The following PLVAP variants were observed in gnomAD, a reference collection of about 807,000 sequenced individuals.
PLVAP encodes plasmalemma vesicle associated protein.
A neutral mutation model predicts 43.1 loss-of-function variants in PLVAP; 34 were observed. That is an observed-to-expected ratio of 0.79 (90% confidence interval 0.60 to 1.05). The LOEUF is 1.05. Ranked by LOEUF, PLVAP falls within the 50% of genes least tolerant of loss-of-function variation. PLVAP has a pLI of 0.00. For synonymous variants in PLVAP, 241 were observed against 237.3 expected (o/e 1.02, Z -0.14); for missense variants, 574 against 593.4 (o/e 0.97, Z 0.34).
At chr19:17,356,669 A>G (rs1447396572) in intron 5 of PLVAP, among the ~76,000 whole-genome samples, 3 of 150,114 alleles carry the variant, frequency 2.0e-5, no homozygotes, top group Non-Finnish European at 4.4e-5. Context: ...CTTAGAAGGA[A>G]TAAGAGTGGG....
intron 3 of PLVAP, 23 bp from the exon 4 acceptor site, chr19:17,360,855 G>A: frequency 6.2e-7 from 1 of 1,605,824 alleles, no homozygotes; most frequent in Non-Finnish European, 8.5e-7. Context: ...GATGGAGGGA[G>A]GTTGGTAGGA....
rs748898425 is a variant in PLVAP at position 17,366,093 on chromosome 19, A to G, written c.466+6T>C. On this transcript the variant is annotated splice_donor_region_variant and intron_variant, in intron 2 of 5. Coordinates refer to ENST00000252590, the MANE Select transcript of PLVAP (RefSeq NM_031310.3). ...CACCCCGGCTCCCTGCAGCCTTAGC[A>G]CTCACCATCGCAGCTCTTGTTCATG... is the stretch of plus-strand genomic sequence containing the variant. 4 of 1,613,820 alleles carry G rather than the reference A, an allele frequency of 2.5e-6. No homozygotes were observed. The highest frequency in any genetic ancestry group is 1.3e-5 in the African/African-American group (1 of 74,850).
chr19:17,374,850 C>G (rs2074588708), intron 1 of PLVAP, among the ~76,000 whole-genome samples: 2 of 151,356 alleles, frequency 1.3e-5, no homozygotes, highest in Admixed American at 1.3e-4. Context: ...ACAGAGTCTC[C>G]CTCTGTTGCC....
chr19:17,366,312 G>A, intron 1 of PLVAP, 117 bp from the exon 2 acceptor site: 3 of 888,338 alleles, frequency 3.4e-6, no homozygotes, highest in Non-Finnish European at 5.4e-6. Flanking sequence ...CAAGGGCATG[G>A]TCCCTTTATG....
At chr19:17,365,015 C>T (rs574734536) in intron 3 of PLVAP, among the ~76,000 whole-genome samples, 11 of 152,178 alleles carry the variant, frequency 7.2e-5, no homozygotes, top group South Asian at 2.1e-4. Context: ...TCAGGCGATC[C>T]ACCCACCTTG....
rs757147011 is a variant in PLVAP at position 17,366,201 on chromosome 19, C to T, written c.370-6G>A. ...TGATTGTTCGTGTAGATGACCTGCC[C>T]GGAAGATAGGGGAAGGACGCAGGAC... On this transcript the variant is annotated splice_region_variant and splice_polypyrimidine_tract_variant and intron_variant, in intron 1 of 5. Transcript: ENST00000252590. The T allele has an allele frequency of 2.5e-6, 4 of 1,613,488 alleles. No homozygotes were observed. Among genetic ancestry groups the T allele is most frequent in the Non-Finnish European group, 3.4e-6 (4 of 1,179,762 alleles).
In PLVAP at chr19:17,365,340, G is replaced by T. The variant is rs1166955454; in HGVS notation, c.1125C>A (p.Leu375=). The change falls in exon 3 of 6, where the codon CTC becomes CTA. Residue 375 remains leucine, a synonymous_variant. Coordinates refer to ENST00000252590, the MANE Select transcript of PLVAP (RefSeq NM_031310.3). Reference sequence around the variant, plus strand: ...AGTTTCTGATGGCCAGCTCCATCCTGAGCTGCTCCGCCTCCCTCTTCTTCT... The same window carrying T: ...AGTTTCTGATGGCCAGCTCCATCCTTAGCTGCTCCGCCTCCCTCTTCTTCT... ...LEEKKREAEQ[L]RMELAIRNSA... The T allele has an allele frequency of 6.2e-7, 1 of 1,613,346 alleles. No homozygotes were observed. Among genetic ancestry groups the T allele is most frequent in the Non-Finnish European group, 8.5e-7 (1 of 1,180,016 alleles).
At position 17,366,939 on chromosome 19, in the gene PLVAP, ATTT is replaced by A. The variant is rs34408678; in HGVS notation, c.370-747_370-745del. Among the ~76,000 whole-genome samples the A allele has an allele frequency of 1.9e-4, 21 of 107,820 alleles. 1 individual carries two copies. Among genetic ancestry groups the A allele is most frequent in the African/African-American group, 2.3e-4 (6 of 25,818 alleles). The allele number at this position is 107,820 out of a possible 152,430, so 70.7% of individuals were successfully genotyped here. A position where few individuals can be genotyped will look rare whatever the true frequency, so the allele number is the denominator to read the frequency against. On this transcript the variant is annotated intron_variant, in intron 1 of 5. Transcript: ENST00000252590. The stretch of plus-strand genomic sequence containing the variant: ...GCTTGAGCCACTGTGCCCGGCTCGA[ATTT>A]TTTTTTTTTTTTTTTTTTTAGACAG...
At chr19:17,362,898 T>A (rs1237613292) in intron 3 of PLVAP, 1 of 152,200 alleles carries the variant, frequency 6.6e-6, no homozygotes, top group Non-Finnish European at 1.5e-5. Flanking sequence ...CAACTCTTCC[T>A]CTAGGCATCC....
chr19:17,368,315 G>A (rs908415089), intron 1 of PLVAP, among the ~76,000 whole-genome samples: 8 of 151,748 alleles, frequency 5.3e-5, no homozygotes, highest in Non-Finnish European at 1.2e-4. Context: ...CAGGTGATCC[G>A]CCCACCTCGG....
At chr19:17,367,385 T>C (rs1235137060) in intron 1 of PLVAP, among the ~76,000 whole-genome samples, 1 of 119,968 alleles carries the variant, frequency 8.3e-6, no homozygotes, top group African/African-American at 3.5e-5. Context: ...TGACTGATTT[T>C]TAAATTTTTT....
chr19:17,355,671 A>C (rs2074504213), intron 5 of PLVAP, among the ~76,000 whole-genome samples: 1 of 151,730 alleles, frequency 6.6e-6, no homozygotes, highest in South Asian at 2.1e-4. Flanking sequence ...AGTAGCTGGG[A>C]TTACAGGCAC....
intron 1 of PLVAP, among the ~76,000 whole-genome samples, chr19:17,373,734 G>A (rs887146975): frequency 7.9e-5 from 12 of 152,096 alleles, no homozygotes; most frequent in African/African-American, 2.4e-4. Context: ...GCCGGGGTGC[G>A]AGAGTGGCGC....
At chr19:17,354,164 T>C (rs1287041676) in intron 5 of PLVAP, among the ~76,000 whole-genome samples, 1 of 151,890 alleles carries the variant, frequency 6.6e-6, no homozygotes, top group Non-Finnish European at 1.5e-5. Context: ...GTGATGCATG[T>C]CTGTAATCCC....
rs1599569306 is a variant in PLVAP, at chr19:17,352,206, G to A, written c.*156C>T. The A allele has an allele frequency of 1.0e-6, 1 of 994,284 alleles. No individual in the cohort carries two copies. Among genetic ancestry groups the A allele is most frequent in the South Asian group, 1.5e-5 (1 of 66,900 alleles). 61.6% of individuals were successfully genotyped at this position (994,284 alleles called of 1,614,324 possible). On this transcript the variant is annotated 3_prime_UTR_variant, in exon 6 of 6. Transcript: ENST00000252590. The stretch of plus-strand genomic sequence containing the variant: ...TGAGGCGCGGGTGCGGGTGTGAGAG[G>A]GTACTAGGGGTTTGCATGCAGGGAG...
At chr19:17,370,124 A>G (rs992256063) in intron 1 of PLVAP, among the ~76,000 whole-genome samples, 1 of 152,094 alleles carries the variant, frequency 6.6e-6, no homozygotes, top group African/African-American at 2.4e-5. Flanking sequence ...TTAAAAACCC[A>G]TAAACCCCCA....
chr19:17,352,843 C>T (rs1186336915), intron 5 of PLVAP, among the ~76,000 whole-genome samples: 1 of 152,184 alleles, frequency 6.6e-6, no homozygotes, highest in Non-Finnish European at 1.5e-5. Context: ...CATGGCTCCC[C>T]AGTGCCCTCA....
chr19:17,353,747 C>G (rs2074495030), intron 5 of PLVAP, among the ~76,000 whole-genome samples: 1 of 152,166 alleles, frequency 6.6e-6, no homozygotes, highest in South Asian at 2.1e-4. Flanking sequence ...CTCTGTCTCG[C>G]CCATCACCAA....
chr19:17,372,506 G>A (rs1290052429), intron 1 of PLVAP, among the ~76,000 whole-genome samples: 3 of 149,452 alleles, frequency 2.0e-5, no homozygotes, highest in Non-Finnish European at 4.5e-5. Flanking sequence ...GCCCAGGCTG[G>A]AGTGCAGTGG....
Sources: allele counts gnomAD v4.1 joint callset (sites outside exome capture counted in the v4.1 genomes callset), GRCh38; gene constraint gnomAD v4.1.1; transcripts MANE v1.5; gene names NCBI Gene and HGNC (gene_info 2026-07-23, HGNC 2026-07-21).